Variants in SEMA6D observed in about 807,000 individuals in gnomAD.
SEMA6D encodes semaphorin 6D.
A neutral mutation model predicts 106.6 loss-of-function variants in SEMA6D; 35 were observed. That is an observed-to-expected ratio of 0.33 (90% CI 0.25 to 0.44). The LOEUF (loss-of-function observed/expected upper bound fraction) is 0.44, where lower values mean the gene tolerates loss of function less well. Ranked by LOEUF, SEMA6D falls within the 20% of genes least tolerant of loss-of-function variation. The pLI is 1.00. For missense variants in SEMA6D, 1,185 were observed against 1,345.9 expected (o/e 0.88, Z 1.87); for synonymous variants, 499 against 487.7 (o/e 1.02, Z -0.31).
intron 3 of SEMA6D, among the ~76,000 whole-genome samples, chr15:47,543,413 T>TAC (rs1313071259): frequency 2.6e-5 from 4 of 152,128 alleles, no homozygotes; most frequent in Admixed American, 2.6e-4. Context: ...AGTTCCCCTG[T>TAC]ACACACTCTC....
intron 1 of SEMA6D, among the ~76,000 whole-genome samples, chr15:47,354,651 T>A (rs2038492039): frequency 1.3e-5 from 2 of 151,736 alleles, no homozygotes; most frequent in African/African-American, 4.8e-5. Context: ...TCCAAAAGTA[T>A]CTCCCTTCAA....
At chr15:47,530,613 G>T (rs1320951617) in intron 3 of SEMA6D, among the ~76,000 whole-genome samples, 1 of 152,188 alleles carries the variant, frequency 6.6e-6, no homozygotes, top group Non-Finnish European at 1.5e-5. Flanking sequence ...TGAATATACT[G>T]TGAGGAATAA....
At chr15:47,315,931 G>A (rs560244341) in intron 1 of SEMA6D, among the ~76,000 whole-genome samples, 1 of 151,448 alleles carries the variant, frequency 6.6e-6, no homozygotes, top group South Asian at 2.1e-4. Flanking sequence ...TTGTATATTA[G>A]CCTGTCTCCT....
chr15:47,227,419 C>CTCTTTCTTTCTCTTTCTT (rs1555407168), intron 1 of SEMA6D, among the ~76,000 whole-genome samples: 2 of 115,330 alleles, frequency 1.7e-5, no homozygotes, highest in African/African-American at 7.8e-5. Context: ...TTCTTTCTTT[C>CTCTTTCTTTCTCTTTCTT]TCTTTCTTTC....
At chr15:47,652,383 G>A (rs1334574837) in intron 4 of SEMA6D, among the ~76,000 whole-genome samples, 1 of 152,134 alleles carries the variant, frequency 6.6e-6, no homozygotes, top group African/African-American at 2.4e-5. Flanking sequence ...TCCTGGAGGA[G>A]CTCAAGGACA....
chr15:47,734,976 T>A (rs2080358504), intron 1 of SEMA6D, among the ~76,000 whole-genome samples: 1 of 152,180 alleles, frequency 6.6e-6, no homozygotes, highest in Non-Finnish European at 1.5e-5. Flanking sequence ...TTCATTTGGA[T>A]CTGTCCTTTT....
At chr15:47,425,351 G>A (rs750412657) in intron 2 of SEMA6D, among the ~76,000 whole-genome samples, 11 of 151,982 alleles carry the variant, frequency 7.2e-5, no homozygotes, top group Non-Finnish European at 1.3e-4. Flanking sequence ...GAAAGTCCCT[G>A]ATTCTGAGGC....
chr15:47,246,466 T>C (rs2033205183), intron 1 of SEMA6D, among the ~76,000 whole-genome samples: 1 of 152,142 alleles, frequency 6.6e-6, no homozygotes, highest in Non-Finnish European at 1.5e-5. Context: ...TTCAACATAG[T>C]CATAGCCAAG....
intron 4 of SEMA6D, among the ~76,000 whole-genome samples, chr15:47,622,578 A>G (rs2077126902): frequency 6.6e-6 from 1 of 152,116 alleles, no homozygotes; most frequent in Non-Finnish European, 1.5e-5. Flanking sequence ...AGCCGACCCC[A>G]AAACCACCAT....
chr15:47,309,112 T>C (rs954283070), intron 1 of SEMA6D, among the ~76,000 whole-genome samples: 6 of 152,236 alleles, frequency 3.9e-5, no homozygotes, highest in African/African-American at 1.4e-4. Flanking sequence ...GAACCCACTG[T>C]ACATTTAAAA....
chr15:47,536,218 T>A (rs1173731339), intron 3 of SEMA6D, among the ~76,000 whole-genome samples: 1 of 152,214 alleles, frequency 6.6e-6, no homozygotes, highest in African/African-American at 2.4e-5. Flanking sequence ...TCTACAGCAA[T>A]GTACCATTAC....
At chr15:47,524,841 G>C (rs1566857173) in intron 3 of SEMA6D, among the ~76,000 whole-genome samples, 3 of 152,112 alleles carry the variant, frequency 2.0e-5, no homozygotes, top group Admixed American at 6.5e-5. Flanking sequence ...GGCCCTTCCT[G>C]AGACCAGCAA....
intron 1 of SEMA6D, among the ~76,000 whole-genome samples, chr15:47,365,778 G>T (rs2038988179): frequency 1.3e-5 from 2 of 151,682 alleles, no homozygotes; most frequent in Admixed American, 1.3e-4. Context: ...GGAGAATTGT[G>T]TGAACCCGGG....
At chr15:47,401,528 G>A (rs1482422329) in intron 1 of SEMA6D, among the ~76,000 whole-genome samples, 1 of 152,130 alleles carries the variant, frequency 6.6e-6, no homozygotes, top group African/African-American at 2.4e-5. Context: ...GTGTTACAAT[G>A]CGTAACCCCT....
chr15:47,339,860 AACAG>A (rs994612709), intron 1 of SEMA6D, among the ~76,000 whole-genome samples: 23 of 152,032 alleles, frequency 1.5e-4, no homozygotes, highest in African/African-American at 3.4e-4. Flanking sequence ...TGTCTCCAAA[AACAG>A]AAAGAAAGAA....
intron 2 of SEMA6D, among the ~76,000 whole-genome samples, chr15:47,422,176 G>T (rs1447695386): frequency 1.3e-3 from 100 of 74,778 alleles, no homozygotes; most frequent in African/African-American, 3.8e-3. Context: ...CCGCCCGCCT[G>T]CCTGCCTTCC....
Position 47,348,721 on chromosome 15 carries a change from C to CAG in SEMA6D, c.-238-63671_-238-63670insGA, listed in dbSNP as rs1313096616. Among the ~76,000 whole-genome samples the CAG allele has an allele frequency of 5.3e-4, 13 of 24,674 alleles. 1 individual carries two copies. Among genetic ancestry groups the CAG allele is most frequent in the African/African-American group, 1.2e-3 (12 of 10,210 alleles). The allele number at this position is 24,674 out of a possible 152,430, so 16.2% of individuals were successfully genotyped here. On this transcript the variant is annotated intron_variant, in intron 1 of 19. Coordinates refer to the SEMA6D transcript ENST00000558014. ...CACACACACACACACACACACACCA[C>CAG]ACACACAGAGAGAGAGAGAGAGAGA...
chr15:47,520,778 A>G (rs1287412054), intron 3 of SEMA6D, among the ~76,000 whole-genome samples: 2 of 152,182 alleles, frequency 1.3e-5, no homozygotes, highest in Non-Finnish European at 2.9e-5. Context: ...AACATCAAGT[A>G]CCAGGCACGT....
intron 4 of SEMA6D, among the ~76,000 whole-genome samples, chr15:47,694,749 T>C (rs1241210255): frequency 1.3e-5 from 2 of 152,174 alleles, no homozygotes; most frequent in Non-Finnish European, 2.9e-5. Flanking sequence ...TGCAAGTTAT[T>C]TTTTGCAGCA....
Sources: allele counts gnomAD v4.1 joint callset (sites outside exome capture counted in the v4.1 genomes callset), GRCh38; gene constraint gnomAD v4.1.1; transcripts MANE v1.5; gene names NCBI Gene and HGNC (gene_info 2026-07-23, HGNC 2026-07-21).